GRAMD2B: variants seen among roughly 807,000 people sequenced by gnomAD.
The protein encoded by GRAMD2B is GRAM domain containing 2B.
In GRAMD2B, 41 loss-of-function variants were observed where a neutral mutation model predicts 59.2. That is an observed-to-expected ratio of 0.69 (90% CI 0.54 to 0.90). GRAMD2B has a LOEUF of 0.90. GRAMD2B is among the 40% of genes least tolerant of loss of function. GRAMD2B has a pLI of 0.00. For missense variants in GRAMD2B, 424 were observed against 500.5 expected (o/e 0.85, Z 1.46); for synonymous variants, 161 against 182.7 (o/e 0.88, Z 0.96).
intron 1 of GRAMD2B, among the ~76,000 whole-genome samples, chr5:126,452,580 G>A (rs73334484): frequency 0.016 from 2,434 of 152,238 alleles, 81 homozygotes; most frequent in African/African-American, 0.056. Context: ...ACCCTTATCC[G>A]TCCATCAGTA....
At chr5:126,430,119 G>T (rs1761329891) in intron 1 of GRAMD2B, among the ~76,000 whole-genome samples, 1 of 152,150 alleles carries the variant, frequency 6.6e-6, no homozygotes, top group African/African-American at 2.4e-5. Context: ...CTTGAGAGAG[G>T]TTCCTCCTCA....
chr5:126,450,817 G>A (rs1055198496), intron 1 of GRAMD2B, among the ~76,000 whole-genome samples: 10 of 152,200 alleles, frequency 6.6e-5, no homozygotes, highest in African/African-American at 1.9e-4. Context: ...CAGACACACA[G>A]AATGCAAGAG....
chr5:126,488,974 TC>T, intron 13 of GRAMD2B, 82 bp downstream of exon 13: 1 of 878,000 alleles, frequency 1.1e-6, no homozygotes, highest in Non-Finnish European at 1.9e-6. Context: ...GATTACACAC[TC>T]AGACGCCGTT....
At chr5:126,469,156 T>G (rs1769057536) in intron 2 of GRAMD2B, among the ~76,000 whole-genome samples, 1 of 152,246 alleles carries the variant, frequency 6.6e-6, no homozygotes, top group Non-Finnish European at 1.5e-5. Flanking sequence ...TATTTCACCC[T>G]CTGTAAGTTA....
chr5:126,422,012 G>A (rs1283178550), upstream of GRAMD2B, among the ~76,000 whole-genome samples: 1 of 152,076 alleles, frequency 6.6e-6, no homozygotes, highest in Non-Finnish European at 1.5e-5. Context: ...CAATAATAAC[G>A]TTTATATTAA....
intron 1 of GRAMD2B, among the ~76,000 whole-genome samples, chr5:126,364,582 A>G (rs987291958): frequency 1.3e-5 from 2 of 152,224 alleles, no homozygotes; most frequent in Non-Finnish European, 2.9e-5. Flanking sequence ...ACAAAGCAGC[A>G]TGATGTGAAG....
At chr5:126,489,168 C>T (rs1773492148) in intron 13 of GRAMD2B, among the ~76,000 whole-genome samples, 1 of 152,142 alleles carries the variant, frequency 6.6e-6, no homozygotes, top group African/African-American at 2.4e-5. Flanking sequence ...GCACAGGGCC[C>T]AGTGGTAAGT....
At chr5:126,409,141 A>T (rs961533655) in intron 1 of GRAMD2B, among the ~76,000 whole-genome samples, 10 of 151,946 alleles carry the variant, frequency 6.6e-5, no homozygotes, top group African/African-American at 2.4e-4. Context: ...ATAGTGCCGC[A>T]ATAAACACGT....
At chr5:126,418,684 C>A (rs954206001), upstream of GRAMD2B, among the ~76,000 whole-genome samples, 1 of 152,204 alleles carries the variant, frequency 6.6e-6, no homozygotes, top group African/African-American at 2.4e-5. Context: ...TGGTTATATT[C>A]ATTGGGAACC....
chr5:126,390,398 T>A (rs910934395), intron 1 of GRAMD2B, among the ~76,000 whole-genome samples: 3 of 152,246 alleles, frequency 2.0e-5, no homozygotes, highest in African/African-American at 7.2e-5. Context: ...GTTTTGTTTG[T>A]TATTTTCTAT....
At chr5:126,449,016 C>T (rs760260278) in intron 1 of GRAMD2B, among the ~76,000 whole-genome samples, 13 of 152,122 alleles carry the variant, frequency 8.5e-5, no homozygotes, top group Non-Finnish European at 1.8e-4. Context: ...CCGGGAAATC[C>T]AGTAGAAAGG....
At chr5:126,417,306 T>G (rs1302828847) in intron 1 of GRAMD2B, among the ~76,000 whole-genome samples, 1 of 152,202 alleles carries the variant, frequency 6.6e-6, no homozygotes, top group East Asian at 1.9e-4. Flanking sequence ...ATAGGACACA[T>G]GGTCTGGAGG....
chr5:126,362,352 A>G (rs1166971181), intron 1 of GRAMD2B, among the ~76,000 whole-genome samples: 1 of 152,212 alleles, frequency 6.6e-6, no homozygotes, highest in Admixed American at 6.5e-5. Flanking sequence ...AAACTATTAT[A>G]TAATAGTATA....
chr5:126,484,485 AG>A lies in GRAMD2B; in HGVS notation c.932del (p.Arg311LysfsTer47). ...AACTCGGGCAGATGCCCATGTGAAC[AG>A]AGTACCTGAAGGAAAAGCCAAGAGT... ...KPTRADAHVN[R>X]VPEGKAKSLP... is the part of the protein sequence containing the mutation. On this transcript the variant is annotated frameshift_variant, in exon 10 of 14. Coordinates refer to ENST00000285689, the MANE Select transcript of GRAMD2B (RefSeq NM_023927.4). LOFTEE classifies it high-confidence loss of function. The A allele has an allele frequency of 6.2e-7, 1 of 1,614,164 alleles. No homozygotes were observed. Among genetic ancestry groups the A allele is most frequent in the African/African-American group, 1.3e-5 (1 of 75,062 alleles).
intron 1 of GRAMD2B, among the ~76,000 whole-genome samples, chr5:126,415,848 G>T (rs973764762): frequency 6.6e-5 from 10 of 152,042 alleles, no homozygotes. Flanking sequence ...TTAAAAAGAC[G>T]AAAAGTCAGA....
At chr5:126,377,851 C>G (rs563797119) in intron 1 of GRAMD2B, among the ~76,000 whole-genome samples, 2 of 152,172 alleles carry the variant, frequency 1.3e-5, no homozygotes, top group South Asian at 4.1e-4. Context: ...ATGTACAGAG[C>G]CAGAAACTAG....
At chr5:126,480,554 T>C (rs772231697) in intron 7 of GRAMD2B, 27 bp downstream of exon 7, 1 of 1,607,166 alleles carries the variant, frequency 6.2e-7, no homozygotes, top group Non-Finnish European at 8.5e-7. Context: ...TGAGCCTCAA[T>C]TACTGTCTCT....
chr5:126,442,997 T>G lies in GRAMD2B; in HGVS notation c.83+19308T>G, dbSNP rs556153824. On this transcript the variant is annotated intron_variant, in intron 1 of 13. Transcript: ENST00000285689. ...TTCTTTCCTGAAGTAGCATTACAGA[T>G]TGATCATTAATGGGGATTGTTTTTC... is the stretch of plus-strand genomic sequence containing the variant. 3.3e-5 allele frequency among the ~76,000 whole-genome samples: 5 copies of G among 152,312 alleles called. No homozygotes were observed. In the South Asian group the frequency reaches 1.0e-3, roughly 32 times the overall value.
chr5:126,484,627 C>A, intron 10 of GRAMD2B, 103 bp downstream of exon 10: 1 of 1,204,534 alleles, frequency 8.3e-7, no homozygotes, highest in Non-Finnish European at 1.1e-6. Context: ...ATCACCCAGG[C>A]TGCTGTAGTG....
Sources: gnomAD v4.1 joint callset for allele counts (sites outside exome capture counted in the v4.1 genomes callset) on GRCh38, gnomAD v4.1.1 for gene constraint, MANE v1.5 for transcripts, NCBI Gene and HGNC (gene_info 2026-07-23, HGNC 2026-07-21) for gene names.